Variants in MCMBP observed in about 807,000 individuals in gnomAD.
MCMBP encodes minichromosome maintenance complex binding protein.
Under a neutral mutation model 81.3 loss-of-function variants are expected in MCMBP, and 31 were observed. The observed-to-expected ratio is 0.38, with a 90% CI of 0.29 to 0.51. The LOEUF (loss-of-function observed/expected upper bound fraction) is 0.51. Ranked by LOEUF, MCMBP falls within the 20% of genes least tolerant of loss-of-function variation. The pLI, the probability that MCMBP is intolerant of heterozygous loss-of-function variation, is 0.87. For missense variants in MCMBP, 645 were observed against 772.1 expected, an observed-to-expected ratio of 0.84 and a Z score of 1.95; for synonymous variants, 267 against 275.9, an observed-to-expected ratio of 0.97 and a Z score of 0.32.
chr10:119,852,143 ACT>A (rs1321770816), intron 6 of MCMBP, among the ~76,000 whole-genome samples: 2 of 123,210 alleles, frequency 1.6e-5, no homozygotes, highest in African/African-American at 6.5e-5. Context: ...CAAGAGCGAA[ACT>A]CTGTCTCAAA....
Position 119,840,903 on chromosome 10 carries a change from G to A in MCMBP, c.1182C>T (p.Cys394=). 6.2e-7 allele frequency: 1 copy of A among 1,611,038 alleles called. No homozygotes were observed. The part of the protein sequence containing the change: ...LGKFTVNLSG[C]PRNSTFTEHL... ...GTTCTGTGAAGGTACTATTCCGTGG[G>A]CAACCACTCAAGTTAACTGTAAATT... The change falls in exon 11 of 16, where the codon TGC becomes TGT. Residue 394 remains cysteine (C), a synonymous_variant. Transcript: ENST00000369077.
chr10:119,840,516 C>A (rs1194588134), intron 11 of MCMBP, among the ~76,000 whole-genome samples: 4 of 152,148 alleles, frequency 2.6e-5, no homozygotes, highest in Admixed American at 6.5e-5. Context: ...TATGCTCCTA[C>A]AATTTAGAGT....
At chr10:119,862,709 T>C (rs938844941) in intron 1 of MCMBP, among the ~76,000 whole-genome samples, 1 of 152,208 alleles carries the variant, frequency 6.6e-6, no homozygotes, top group East Asian at 1.9e-4. Context: ...AGTATCTAGA[T>C]ATGACACAGT....
intron 1 of MCMBP, among the ~76,000 whole-genome samples, chr10:119,860,683 G>A (rs541736182): frequency 1.3e-5 from 2 of 152,110 alleles, no homozygotes; most frequent in Non-Finnish European, 2.9e-5. Context: ...GAATAGTTCT[G>A]CAAACTTTAT....
chr10:119,860,445 TA>T (rs1292316413), intron 1 of MCMBP, among the ~76,000 whole-genome samples: 2 of 152,296 alleles, frequency 1.3e-5, no homozygotes, highest in East Asian at 1.9e-4. Context: ...TGCCTACAAA[TA>T]TTTCAGCGTG....
At chr10:119,861,605 C>T (rs748192743) in intron 1 of MCMBP, among the ~76,000 whole-genome samples, 9 of 152,016 alleles carry the variant, frequency 5.9e-5, no homozygotes, top group Non-Finnish European at 8.8e-5. Flanking sequence ...TACACAGCCA[C>T]GACTGCCACA....
rs1241785096 is a variant in MCMBP at position 119,840,839 on chromosome 10, T to C, written c.1242+4A>G. 6.5e-7 allele frequency: 1 copy of C among 1,550,018 alleles called. No individual in the cohort carries two copies. Among genetic ancestry groups the C allele is most frequent in the Non-Finnish European group, 8.8e-7 (1 of 1,136,508 alleles). On this transcript the variant is annotated splice_donor_region_variant and intron_variant, in intron 11 of 15. Transcript: ENST00000369077. ...TTTATAATACATATTTATATTCATC[T>C]TACTGCTGGAACAAGATGTTGAATA...
At chr10:119,841,091 A>C (rs1000825577) in intron 10 of MCMBP, 131 bp from the exon 11 acceptor site, 2 of 666,086 alleles carry the variant, frequency 3.0e-6, no homozygotes, top group Non-Finnish European at 5.2e-6. Flanking sequence ...CAGTTATTTT[A>C]TCAGAATAAC....
chr10:119,842,903 G>A lies in MCMBP; in HGVS notation c.1001-308C>T, dbSNP rs992118002. The A allele has an allele frequency of 3.2e-5, 12 of 369,916 alleles. No homozygotes were observed. The Admixed American group carries it at 3.6e-4, about 11-fold the overall frequency. 22.9% of individuals were successfully genotyped at this position (369,916 alleles called of 1,614,324 possible). Reference sequence around the variant, plus strand: ...CGAGTAGCTGGGATTACAGGCACACGCCACCACACCTGGCTAATTTTGTAT... The same window carrying A: ...CGAGTAGCTGGGATTACAGGCACACACCACCACACCTGGCTAATTTTGTAT... On this transcript the variant is annotated intron_variant, in intron 9 of 15. Coordinates refer to ENST00000369077, the MANE Select transcript of MCMBP (RefSeq NM_001256378.2).
rs1214312692 is a variant in MCMBP at position 119,853,569 on chromosome 10, A to C, written c.430-375T>G. ...CAAAGAGCAGTAGAGGCCCTCTCTT[A>C]CTGGGTGGAGAAGACAGAGCACATG... On this transcript the variant is annotated intron_variant, in intron 5 of 15. Transcript: ENST00000369077. Among the ~76,000 whole-genome samples the C allele has an allele frequency of 2.6e-5, 4 of 152,236 alleles. No individual in the cohort carries two copies. The South Asian group carries it at 8.3e-4, about 31-fold the overall frequency.
At chr10:119,866,068 C>T (rs184615386) in intron 1 of MCMBP, among the ~76,000 whole-genome samples, 10 of 145,814 alleles carry the variant, frequency 6.9e-5, no homozygotes, top group East Asian at 4.0e-4. Context: ...CCAGCCTGGA[C>T]GACAGAGCCA....
At chr10:119,858,965 T>C in intron 3 of MCMBP, 40 bp from the exon 4 acceptor site, 1 of 1,609,000 alleles carries the variant, frequency 6.2e-7, no homozygotes, top group Non-Finnish European at 8.5e-7. Context: ...TATATCAATA[T>C]ATCTGAACCA....
intron 8 of MCMBP, among the ~76,000 whole-genome samples, chr10:119,847,173 A>C (rs1417208909): frequency 6.6e-6 from 1 of 152,126 alleles, no homozygotes; most frequent in Non-Finnish European, 1.5e-5. Context: ...GTATGAACTC[A>C]GTAGAAATAG....
At position 119,831,256 on chromosome 10, in the gene MCMBP, A is replaced by G. The variant is rs984939181; in HGVS notation, c.*218T>C. 9.8e-5 allele frequency: 31 copies of G among 316,704 alleles called. No homozygotes were observed. The highest frequency in any genetic ancestry group is 2.0e-3 in the Middle Eastern group (2 of 980). The allele number at this position is 316,704 out of a possible 1,614,324, so 19.6% of individuals were successfully genotyped here. A position where few individuals can be genotyped will look rare whatever the true frequency, so the allele number is the denominator to read the frequency against. ...TTTTACATCATTACTAATTTATATA[A>G]TTATTATAAAACAAACTTCAAAAGC... On this transcript the variant is annotated 3_prime_UTR_variant, in exon 16 of 16. Transcript: ENST00000369077.
At chr10:119,868,716 G>A (rs1367076170) in intron 1 of MCMBP, among the ~76,000 whole-genome samples, 1 of 152,190 alleles carries the variant, frequency 6.6e-6, no homozygotes, top group African/African-American at 2.4e-5. Context: ...GGATCCTGCA[G>A]TAACATGGAG....
At chr10:119,847,549 CT>C in intron 8 of MCMBP, 63 bp downstream of exon 8, 1 of 958,722 alleles carries the variant, frequency 1.0e-6, no homozygotes, top group East Asian at 2.6e-5. Flanking sequence ...CATCCTGTAA[CT>C]CTCCTGAAAA....
intron 8 of MCMBP, 28 bp from the exon 9 acceptor site, chr10:119,843,454 TAG>T (rs757529247): frequency 6.6e-5 from 106 of 1,600,300 alleles, no homozygotes; most frequent in Non-Finnish European, 8.6e-5. Flanking sequence ...AGTTTCAATT[TAG>T]AGAGACATCA....
intron 1 of MCMBP, among the ~76,000 whole-genome samples, chr10:119,862,311 C>A (rs201773752): frequency 5.9e-5 from 9 of 151,934 alleles, no homozygotes; most frequent in African/African-American, 1.9e-4. Context: ...TCGTCCCCCC[C>A]CACACCACCT....
chr10:119,862,550 T>C (rs986127003), intron 1 of MCMBP, among the ~76,000 whole-genome samples: 1 of 152,240 alleles, frequency 6.6e-6, no homozygotes, highest in African/African-American at 2.4e-5. Flanking sequence ...TTTATTCCTA[T>C]TATTCCTCTG....
Sources: gnomAD v4.1 joint callset for allele counts (sites outside exome capture counted in the v4.1 genomes callset) on GRCh38, gnomAD v4.1.1 for gene constraint, MANE v1.5 for transcripts, NCBI Gene and HGNC (gene_info 2026-07-23, HGNC 2026-07-21) for gene names.